The following INPPL1 variants were observed in gnomAD, a reference collection of about 807,000 sequenced individuals.
INPPL1 encodes phosphatidylinositol 3,4,5-trisphosphate 5-phosphatase 2.
Under a neutral mutation model 139.3 loss-of-function variants are expected in INPPL1, and 91 were observed. The ratio of observed to expected loss-of-function variants is 0.65; its 90% confidence interval spans 0.55 to 0.78. The LOEUF (loss-of-function observed/expected upper bound fraction) is 0.78. Ranked by LOEUF, INPPL1 falls within the 30% of genes least tolerant of loss-of-function variation. The pLI is 0.00. For missense variants in INPPL1, 1,411 were observed against 1,665.6 expected (o/e 0.85, Z 2.66); for synonymous variants, 719 against 686.6 (o/e 1.05, Z -0.74).
In INPPL1 at chr11:72,234,691, G is replaced by A. The variant is rs1380314736; in HGVS notation, c.2415+76G>A. 1 of 1,022,806 alleles carries A rather than the reference G, an allele frequency of 9.8e-7. No homozygotes were observed. Among genetic ancestry groups the A allele is most frequent in the South Asian group, 1.3e-5 (1 of 74,106 alleles). 63.4% of individuals were successfully genotyped at this position (1,022,806 alleles called of 1,614,324 possible). A position where few individuals can be genotyped will look rare whatever the true frequency, so the allele number is the denominator to read the frequency against. ...TACATAAGAGTTTATTGGAGAGCCT[G>A]CCTGGGAGGGAGTGTGGGGCCAGCA... On this transcript the variant is annotated intron_variant, in intron 21 of 27. Transcript: ENST00000298229. This position sits in a 1 kb window ranked among gnomAD's most constrained non-coding sequence, Gnocchi z 4.2.
chr11:72,237,239 C>T lies in INPPL1; in HGVS notation c.2995C>T (p.Pro999Ser), dbSNP rs751157413. 14 of 1,613,920 alleles carry T rather than the reference C, an allele frequency of 8.7e-6. No individual in the cohort carries two copies. In the Admixed American group the frequency reaches 1.2e-4, roughly 13 times the overall value. Residue 999 changes from proline (P) to serine (S), a missense_variant, in exon 26 of 28, where the codon CCG becomes TCG. Transcript: ENST00000298229. ...AGGGGTCCCGCACCAGCTGCTGCCC[C>T]CGGAGCCACCCTCGCCTGCCAGGGC... is the stretch of plus-strand genomic sequence containing the variant. Reference protein sequence around the residue: ...LEGVPHQLLPPEPPSPARAPV... With the variant: ...LEGVPHQLLPSEPPSPARAPV...
chr11:72,233,870 G>A (rs1948906842), intron 19 of INPPL1, 126 bp downstream of exon 19: 12 of 761,236 alleles, frequency 1.6e-5, no homozygotes, highest in Middle Eastern at 3.1e-4. Flanking sequence ...GAGTGCAGGA[G>A]TGTTTCTCAA....
Position 72,232,737 on chromosome 11 carries a change from C to T in INPPL1, c.1824C>T (p.Leu608=), listed in dbSNP as rs779063100. 4 of 1,614,060 alleles carry T rather than the reference C, an allele frequency of 2.5e-6. No individual in the cohort carries two copies. The highest frequency in any genetic ancestry group is 3.3e-5 in the Admixed American group (2 of 60,028). The change falls in exon 15 of 28, where the codon CTC becomes CTT. Residue 608 remains leucine, a synonymous_variant. Coordinates refer to ENST00000298229, the MANE Select transcript of INPPL1 (RefSeq NM_001567.4). The part of the protein sequence containing the change: ...RFTHLFWFGD[L]NYRLDMDIQE... ...CACACCTCTTCTGGTTTGGGGACCT[C>T]AACTACCGCCTGGACATGGATATCC...
intron 1 of INPPL1, among the ~76,000 whole-genome samples, chr11:72,227,132 C>T (rs1948697962): frequency 6.6e-6 from 1 of 152,198 alleles, no homozygotes; most frequent in Admixed American, 6.5e-5. Context: ...AGACACGCCC[C>T]TGCCCCAGCA....
In INPPL1 at chr11:72,235,224, AG is replaced by A; in HGVS notation, c.2503+25del. 6.2e-7 allele frequency: 1 copy of A among 1,613,898 alleles called. No individual in the cohort carries two copies. Among genetic ancestry groups the A allele is most frequent in the Non-Finnish European group, 8.5e-7 (1 of 1,179,902 alleles). On this transcript the variant is annotated intron_variant, in intron 22 of 27. Transcript: ENST00000298229. The surrounding 1 kb of genome is among the most constrained non-coding windows in gnomAD (Gnocchi z 4.9). The stretch of plus-strand genomic sequence containing the variant: ...CTATGGTGAGGGGTGAGGGGTGCTG[AG>A]GGGAACAGGAAGCCAGACAGGGCCC...
rs1348584435 is a variant in INPPL1, at chr11:72,230,286, G to C, written c.1090+15G>C. 1 of 1,609,864 alleles carries C rather than the reference G, an allele frequency of 6.2e-7. No individual in the cohort carries two copies. Among genetic ancestry groups the C allele is most frequent in the East Asian group, 2.2e-5 (1 of 44,798 alleles). ...GCACGACCGCAGTGAGCCAGGGCCAGACCTGGGAGGGGTGGGCAGGGCGGA... is the reference window on the plus strand; with the variant it reads ...GCACGACCGCAGTGAGCCAGGGCCACACCTGGGAGGGGTGGGCAGGGCGGA... On this transcript the variant is annotated intron_variant, in intron 9 of 27. Transcript: ENST00000298229.
chr11:72,232,854 C>G (rs1297152957), intron 15 of INPPL1, 21 bp from the exon 16 acceptor site: 4 of 1,613,704 alleles, frequency 2.5e-6, no homozygotes, highest in African/African-American at 2.7e-5. Context: ...ATGTTTCTAG[C>G]CTTTGTGTCC....
At position 72,228,871 on chromosome 11, in the gene INPPL1, G is replaced by A; in HGVS notation, c.518+24G>A. 1 of 1,560,510 alleles carries A rather than the reference G, an allele frequency of 6.4e-7. No individual in the cohort carries two copies. The highest frequency in any genetic ancestry group is 8.6e-7 in the Non-Finnish European group (1 of 1,156,770). On this transcript the variant is annotated intron_variant, in intron 4 of 27. Coordinates refer to ENST00000298229, the MANE Select transcript of INPPL1 (RefSeq NM_001567.4). This position sits in a 1 kb window ranked among gnomAD's most constrained non-coding sequence, Gnocchi z 5.0. ...AGGTGAGACCCCCATCCCATCCACT[G>A]AACAGGAGACCCTTTCTCCTCTGAG...
chr11:72,233,158 A>G lies in INPPL1; in HGVS notation c.2035A>G (p.Thr679Ala). ...ATATGCCTGGCACAAGCAGAAGCCAACTGGGGTGAGCCAAGAAAACGGCAT... is the reference window on the plus strand; with the variant it reads ...ATATGCCTGGCACAAGCAGAAGCCAGCTGGGGTGAGCCAAGAAAACGGCAT... The part of the protein sequence containing the change: ...DTYAWHKQKP[T>A]GVRTNVPSWC... Residue 679 changes from threonine to alanine, a missense_variant, in exon 17 of 28, where the codon ACT (threonine) becomes GCT (alanine). By Grantham distance (58) the Thr-to-Ala change is moderately conservative (BLOSUM62 0). Around this residue, in one of 5 missense-constraint regions of INPPL1, gnomAD observed 363 missense variants for 446.2 expected, o/e 0.81. Transcript: ENST00000298229. The G allele has an allele frequency of 6.2e-7, 1 of 1,613,620 alleles. No individual in the cohort carries two copies. Among genetic ancestry groups the G allele is most frequent in the Non-Finnish European group, 8.5e-7 (1 of 1,179,820 alleles).
rs1046346318 is a variant in INPPL1 at position 72,228,083 on chromosome 11, C to T, written c.183-107C>T. The T allele has an allele frequency of 8.3e-7, 1 of 1,200,786 alleles. No homozygotes were observed. Among genetic ancestry groups the T allele is most frequent in the Non-Finnish European group, 1.2e-6 (1 of 812,752 alleles). 74.4% of individuals were successfully genotyped at this position (1,200,786 alleles called of 1,614,324 possible). A position where few individuals can be genotyped will look rare whatever the true frequency, so the allele number is the denominator to read the frequency against. On this transcript the variant is annotated intron_variant, in intron 1 of 27. Transcript: ENST00000298229. This position sits in a 1 kb window ranked among gnomAD's most constrained non-coding sequence, Gnocchi z 5.0. ...CCTGGGCAGGTGGTTTTAGGGAAAC[C>T]AAGCTGAGGGGGTTGGGGTGCTGAG...
intron 10 of INPPL1, 38 bp downstream of exon 10, chr11:72,230,506 G>A (rs1948802642): frequency 6.3e-7 from 1 of 1,589,226 alleles, no homozygotes; most frequent in South Asian, 1.1e-5. Flanking sequence ...GGGGACTGCG[G>A]GGGTCCCCCA....
chr11:72,238,442 T>C lies in INPPL1; in HGVS notation c.*89T>C. On this transcript the variant is annotated 3_prime_UTR_variant, in exon 28 of 28. Transcript: ENST00000298229. Reference sequence around the variant, plus strand: ...CCCCAGGGTTGAAAAGTTATGAGGGTCAGGGCAGTATCTCTCTGCCTATTT... The same window carrying C: ...CCCCAGGGTTGAAAAGTTATGAGGGCCAGGGCAGTATCTCTCTGCCTATTT... The C allele has an allele frequency of 9.1e-7, 1 of 1,103,790 alleles. No homozygotes were observed. The allele number at this position is 1,103,790 out of a possible 1,614,324, so 68.4% of individuals were successfully genotyped here.
Position 72,233,529 on chromosome 11 carries a change from G to A in INPPL1, c.2122+7G>A. ...ATCATCTGCAATTCTTATGGTCAGA[G>A]CCTCCCGGACAGAGTGATGGGAGAT... is the stretch of plus-strand genomic sequence containing the variant. On this transcript the variant is annotated splice_region_variant and intron_variant, in intron 18 of 27. Coordinates refer to ENST00000298229, the MANE Select transcript of INPPL1 (RefSeq NM_001567.4). The A allele has an allele frequency of 6.2e-7, 1 of 1,613,700 alleles. No individual in the cohort carries two copies.
Position 72,225,381 on chromosome 11 carries a change from G to A in INPPL1, c.182+215G>A, listed in dbSNP as rs1016392061. The A allele has an allele frequency of 6.1e-6, 6 of 985,328 alleles. No individual in the cohort carries two copies. The African/African-American group carries it at 7.0e-5, about 11-fold the overall frequency. 61.0% of individuals were successfully genotyped at this position (985,328 alleles called of 1,614,324 possible). ...TGGGGGCACTTTCAGGAGCCTTGAG[G>A]GTAGAGAATATGGGGTTCTGTGGCC... On this transcript the variant is annotated intron_variant, in intron 1 of 27. Transcript: ENST00000298229.
At chr11:72,232,408 C>T in intron 14 of INPPL1, 72 bp downstream of exon 14, 1 of 1,395,724 alleles carries the variant, frequency 7.2e-7, no homozygotes, top group Non-Finnish European at 9.9e-7. Flanking sequence ...CGCTCCCATA[C>T]CCTAGCCCAT....
Position 72,228,685 on chromosome 11 carries a change from T to G in INPPL1, c.398-42T>G. 3 of 1,598,770 alleles carry G rather than the reference T, an allele frequency of 1.9e-6. No individual in the cohort carries two copies. Among genetic ancestry groups the G allele is most frequent in the Non-Finnish European group, 2.6e-6 (3 of 1,171,784 alleles). On this transcript the variant is annotated intron_variant, in intron 3 of 27. Transcript: ENST00000298229. The surrounding 1 kb of genome is among the most constrained non-coding windows in gnomAD (Gnocchi z 5.0). ...GCATCGTGCCTCCTACTCCACTGAG[T>G]GTGGGAGGCCCAAACGGCTGCCCAC...
Position 72,228,210 on chromosome 11 carries a change from C to T in INPPL1, c.203C>T (p.Thr68Met), listed in dbSNP as rs1254589846. The change falls in exon 2 of 28, where the codon ACG (threonine) becomes ATG (methionine). Residue 68 changes from threonine (T) to methionine (M), a missense_variant. Coordinates refer to ENST00000298229, the MANE Select transcript of INPPL1 (RefSeq NM_001567.4). This position sits in a 1 kb window ranked among gnomAD's most constrained non-coding sequence, Gnocchi z 5.0. ...LCVLYQKHVHTYRILPDGEDF... is the reference protein window; with the variant it reads ...LCVLYQKHVHMYRILPDGEDF... Reference sequence around the variant, plus strand: ...ATCAGGTATCAGAAGCATGTGCACACGTATCGCATTCTGCCTGATGGAGAA... The same window carrying T: ...ATCAGGTATCAGAAGCATGTGCACATGTATCGCATTCTGCCTGATGGAGAA... 2.5e-6 allele frequency: 4 copies of T among 1,614,118 alleles called. No homozygotes were observed. Among genetic ancestry groups the T allele is most frequent in the South Asian group, 1.1e-5 (1 of 91,088 alleles).
chr11:72,232,754 T>C lies in INPPL1; in HGVS notation c.1841T>C (p.Met614Thr), dbSNP rs1298614416. ...GGGGACCTCAACTACCGCCTGGACA[T>C]GGATATCCAGGTGCGAGCAGGGCCC... ...WFGDLNYRLD[M>T]DIQEILNYIS... Residue 614 changes from methionine to threonine, a missense_variant, in exon 15 of 28, where the codon ATG becomes ACG. By Grantham distance (81) the Met-to-Thr change is moderately conservative. Around this residue, in one of 5 missense-constraint regions of INPPL1, gnomAD observed 363 missense variants for 446.2 expected, o/e 0.81. Coordinates refer to ENST00000298229, the MANE Select transcript of INPPL1 (RefSeq NM_001567.4). The C allele has an allele frequency of 3.1e-6, 5 of 1,613,780 alleles. No individual in the cohort carries two copies. Among genetic ancestry groups the C allele is most frequent in the Non-Finnish European group, 4.2e-6 (5 of 1,179,972 alleles).
At chr11:72,232,823 C>T (rs1565391828) in intron 15 of INPPL1, 52 bp from the exon 16 acceptor site, 2 of 1,613,652 alleles carry the variant, frequency 1.2e-6, no homozygotes, top group East Asian at 2.2e-5. Context: ...GGCTATCACC[C>T]CTGGCTCTGG....
Sources: allele counts gnomAD v4.1 joint callset (sites outside exome capture counted in the v4.1 genomes callset), GRCh38; gene constraint gnomAD v4.1.1; regional missense constraint gnomAD v4.1.1; non-coding constraint Gnocchi (gnomAD v3.1); transcripts MANE v1.5; gene names NCBI Gene and HGNC (gene_info 2026-07-23, HGNC 2026-07-21).